The following ASIC2 variants were observed in gnomAD, a reference collection of about 807,000 sequenced individuals.
ASIC2 encodes the protein acid-sensing ion channel 2.
ASIC2 carries 25 observed loss-of-function variants against 57.3 expected under a neutral mutation model. That is an observed-to-expected ratio of 0.44 (90% CI 0.32 to 0.61). The LOEUF (loss-of-function observed/expected upper bound fraction) is 0.61, where lower values mean the gene tolerates loss of function less well. Among genes scored for constraint, ASIC2 ranks in the 20% least tolerant of loss-of-function variants. ASIC2 has a pLI of 0.06. For synonymous variants in ASIC2, 319 were observed against 307.5 expected (o/e 1.04, Z -0.39); for missense variants, 641 against 738.1 (o/e 0.87, Z 1.52).
chr17:33,026,854 G>A (rs974636980), intron 4 of ASIC2, among the ~76,000 whole-genome samples: 8 of 151,986 alleles, frequency 5.3e-5, no homozygotes, highest in South Asian at 2.1e-4. Context: ...ATCCTTTTTC[G>A]GAGCCGAAGA....
chr17:34,011,056 G>GATGCCTCCAGTCAC (rs1906727621), intron 1 of ASIC2, among the ~76,000 whole-genome samples: 3 of 9,158 alleles, frequency 3.3e-4, no homozygotes, highest in African/African-American at 1.1e-3. Context: ...CACACACACA[G>GATGCCTCCAGTCAC]ACACACACAT....
chr17:34,053,676 A>G (rs1171742918), intron 1 of ASIC2, among the ~76,000 whole-genome samples: 1 of 152,242 alleles, frequency 6.6e-6, no homozygotes, highest in Non-Finnish European at 1.5e-5. Context: ...ATTGAGAGAC[A>G]GAGAAATTAG....
chr17:33,517,202 G>A (rs1914598877), intron 1 of ASIC2, among the ~76,000 whole-genome samples: 1 of 152,140 alleles, frequency 6.6e-6, no homozygotes, highest in Admixed American at 6.5e-5. Context: ...TGCAATCTCT[G>A]TCTCCCAGGT....
intron 1 of ASIC2, among the ~76,000 whole-genome samples, chr17:33,378,376 C>A (rs1028908708): frequency 8.5e-5 from 13 of 152,178 alleles, no homozygotes; most frequent in Admixed American, 7.2e-4. Flanking sequence ...GGACTCTAAA[C>A]CCCAGAGGCT....
chr17:33,187,030 C>T (rs1189535544), intron 1 of ASIC2, among the ~76,000 whole-genome samples: 2 of 152,170 alleles, frequency 1.3e-5, no homozygotes, highest in Non-Finnish European at 2.9e-5. Flanking sequence ...CAAAGCCAAA[C>T]TTCCACCAAA....
chr17:33,196,314 T>TGAC (rs894562179), intron 1 of ASIC2, among the ~76,000 whole-genome samples: 2 of 143,252 alleles, frequency 1.4e-5, no homozygotes, highest in Non-Finnish European at 3.0e-5. Context: ...ACGATGATGA[T>TGAC]GACGATGATG....
intron 1 of ASIC2, among the ~76,000 whole-genome samples, chr17:33,767,329 T>C (rs572435882): frequency 6.6e-6 from 1 of 152,332 alleles, no homozygotes; most frequent in African/African-American, 2.4e-5. Flanking sequence ...GAAATGTACC[T>C]TATGATGTTG....
intron 1 of ASIC2, among the ~76,000 whole-genome samples, chr17:33,783,062 C>T (rs899469526): frequency 6.6e-6 from 1 of 152,202 alleles, no homozygotes; most frequent in Admixed American, 6.5e-5. Context: ...CAGCAGATTC[C>T]TAAGCACCCT....
intron 1 of ASIC2, among the ~76,000 whole-genome samples, chr17:34,076,765 G>A (rs1200918835): frequency 6.6e-6 from 1 of 152,166 alleles, no homozygotes; most frequent in East Asian, 1.9e-4. Context: ...GACTCCATGA[G>A]GCTCAGAGCA....
chr17:33,701,399 T>A (rs1457798976), intron 1 of ASIC2, among the ~76,000 whole-genome samples: 1 of 152,172 alleles, frequency 6.6e-6, no homozygotes, highest in African/African-American at 2.4e-5. Context: ...AGTAAATAAA[T>A]AGCTTGCTGA....
At chr17:33,525,378 C>T (rs1914857956) in intron 1 of ASIC2, among the ~76,000 whole-genome samples, 2 of 152,272 alleles carry the variant, frequency 1.3e-5, no homozygotes, top group East Asian at 1.9e-4. Flanking sequence ...ACCACTCCAC[C>T]ACCCCTTGGA....
intron 1 of ASIC2, among the ~76,000 whole-genome samples, chr17:33,907,337 A>T (rs1325160990): frequency 6.6e-6 from 1 of 152,220 alleles, no homozygotes; most frequent in Non-Finnish European, 1.5e-5. Context: ...TTCAACACAG[A>T]CATCCTGAAA....
At chr17:33,907,911 C>T (rs1361612887) in intron 1 of ASIC2, among the ~76,000 whole-genome samples, 2 of 152,196 alleles carry the variant, frequency 1.3e-5, no homozygotes, top group African/African-American at 4.8e-5. Context: ...TGGGACAGCA[C>T]ATTAAGTTGG....
chr17:34,044,164 G>A (rs535827556), intron 1 of ASIC2, among the ~76,000 whole-genome samples: 1 of 151,812 alleles, frequency 6.6e-6, no homozygotes, highest in Admixed American at 6.6e-5. Context: ...AAGAAGGCCT[G>A]AAGGGACAGC....
chr17:33,756,033 G>T (rs572268136), intron 1 of ASIC2, among the ~76,000 whole-genome samples: 113 of 152,358 alleles, frequency 7.4e-4, no homozygotes, highest in African/African-American at 2.6e-3. Flanking sequence ...AGTACACCCA[G>T]CCGGCAGCTC....
At chr17:33,542,205 T>A (rs1199194705) in intron 1 of ASIC2, among the ~76,000 whole-genome samples, 1 of 152,126 alleles carries the variant, frequency 6.6e-6, no homozygotes, top group Admixed American at 6.5e-5. Flanking sequence ...GCAATAAACA[T>A]ACGTGTGCAC....
intron 1 of ASIC2, among the ~76,000 whole-genome samples, chr17:33,452,875 G>T (rs774475950): frequency 6.6e-6 from 1 of 151,910 alleles, no homozygotes. Flanking sequence ...TGAAACTTTT[G>T]TCAAAGCCAT....
At chr17:33,915,931 A>T (rs1321449046) in intron 1 of ASIC2, among the ~76,000 whole-genome samples, 3 of 152,162 alleles carry the variant, frequency 2.0e-5, no homozygotes, top group Non-Finnish European at 4.4e-5. Context: ...CAAGAGCATG[A>T]TGTCCAGCAC....
intron 1 of ASIC2, among the ~76,000 whole-genome samples, chr17:34,144,145 A>C (rs1912350955): frequency 6.6e-6 from 1 of 152,236 alleles, no homozygotes; most frequent in Non-Finnish European, 1.5e-5. Flanking sequence ...TACAAAAAAA[A>C]GATATGTCAA....
Sources: gnomAD v4.1 joint callset for allele counts (sites outside exome capture counted in the v4.1 genomes callset) on GRCh38, gnomAD v4.1.1 for gene constraint, MANE v1.5 for transcripts, NCBI Gene and HGNC (gene_info 2026-07-23, HGNC 2026-07-21) for gene names.